The following PLEKHG4B variants were observed in gnomAD, a reference collection of about 807,000 sequenced individuals.
PLEKHG4B encodes the protein pleckstrin homology and RhoGEF domain containing G4B.
A neutral mutation model predicts 121.3 loss-of-function variants in PLEKHG4B; 111 were observed. The observed-to-expected ratio is 0.92, with a 90% confidence interval of 0.78 to 1.07. The LOEUF (loss-of-function observed/expected upper bound fraction) is 1.07. Ranked by LOEUF, PLEKHG4B falls within the 50% of genes least tolerant of loss-of-function variation. The pLI, the probability that PLEKHG4B is intolerant of heterozygous loss-of-function variation, is 0.00. For missense variants in PLEKHG4B, 1,831 were observed against 1,757.8 expected, an observed-to-expected ratio of 1.04 and a Z score of -0.74; for synonymous variants, 738 against 725.0, an observed-to-expected ratio of 1.02 and a Z score of -0.29.
intron 2 of PLEKHG4B, among the ~76,000 whole-genome samples, chr5:116,216 G>A (rs1734303243): frequency 6.6e-6 from 1 of 152,200 alleles, no homozygotes; most frequent in South Asian, 2.1e-4. Flanking sequence ...GAGAGAGATG[G>A]AGGAATGGCC....
chr5:139,664 G>A lies in PLEKHG4B; in HGVS notation c.425G>A (p.Gly142Glu). The A allele has an allele frequency of 2.5e-6, 1 of 398,896 alleles. No individual in the cohort carries two copies. Among genetic ancestry groups the A allele is most frequent in the Non-Finnish European group, 4.4e-6 (1 of 226,112 alleles). The allele number at this position is 398,896 out of a possible 1,614,324, so 24.7% of individuals were successfully genotyped here. ...GTCTTGAAATGCCTGTCCCGGCTGG[G>A]AAGAGGCACAGAGGAAGTCACCGTC... is the stretch of plus-strand genomic sequence containing the variant. ...RLVLKCLSRL[G>E]RGTEEVTVPE... is the part of the protein sequence containing the mutation. The change falls in exon 3 of 20, where the codon GGA becomes GAA. Residue 142 changes from glycine to glutamate, a missense_variant. By Grantham distance (98) the Gly-to-Glu change is moderately conservative. Coordinates refer to ENST00000637938, the MANE Select transcript of PLEKHG4B (RefSeq NM_052909.5). The surrounding 1 kb of genome is among the most constrained non-coding windows in gnomAD (Gnocchi z 5.0).
chr5:119,362 C>G (rs977688622), intron 2 of PLEKHG4B, among the ~76,000 whole-genome samples: 23 of 152,128 alleles, frequency 1.5e-4, no homozygotes, highest in African/African-American at 5.6e-4. Flanking sequence ...TTATTTATAT[C>G]CTACTGCTGA....
chr5:173,692 C>G (rs972979027), intron 17 of PLEKHG4B, among the ~76,000 whole-genome samples: 4 of 151,994 alleles, frequency 2.6e-5, no homozygotes, highest in African/African-American at 9.7e-5. Context: ...TCACGAGCAG[C>G]CTCACACACA....
rs540854148 is a variant in PLEKHG4B at position 189,513 on chromosome 5, C to T, written c.*7190C>T. 6.6e-6 allele frequency: 1 copy of T among 152,454 alleles called. No individual in the cohort carries two copies. Among genetic ancestry groups the T allele is most frequent in the African/African-American group, 2.4e-5 (1 of 41,584 alleles). 9.4% of individuals were successfully genotyped at this position (152,454 alleles called of 1,614,324 possible). A position where few individuals can be genotyped will look rare whatever the true frequency, so the allele number is the denominator to read the frequency against. On this transcript the variant is annotated 3_prime_UTR_variant, in exon 20 of 20. Coordinates refer to ENST00000637938, the MANE Select transcript of PLEKHG4B (RefSeq NM_052909.5). ...AGGTCCCATGTAGTTAGCAGGACAG[C>T]ACTTGAGTTAGGTCTGAGAAAGAAC...
chr5:164,911 C>T lies in PLEKHG4B; in HGVS notation c.3476+1363C>T, dbSNP rs370424379. Among the ~76,000 whole-genome samples, 402 of 45,960 alleles carry T rather than the reference C, an allele frequency of 8.7e-3. 11 individuals carry two copies. The highest frequency in any genetic ancestry group is 0.017 in the Middle Eastern group (1 of 60). The allele number at this position is 45,960 out of a possible 152,430, so 30.2% of individuals were successfully genotyped here. A position where few individuals can be genotyped will look rare whatever the true frequency, so the allele number is the denominator to read the frequency against. On this transcript the variant is annotated intron_variant, in intron 13 of 19. Coordinates refer to ENST00000637938, the MANE Select transcript of PLEKHG4B (RefSeq NM_052909.5). ...CGGAGCTCACACAGTAATGCTGTGA[C>T]GGGGCGGAGCTCACACTAATGCTGT...
In PLEKHG4B at chr5:139,476, G is replaced by A. The variant is rs1735083362; in HGVS notation, c.244-7G>A. The stretch of plus-strand genomic sequence containing the variant: ...CCACCACTAACCTCCCTCCTCTCTT[G>A]TCTCAGGCCAGGTACAGGGGTCTGG... On this transcript the variant is annotated splice_region_variant and splice_polypyrimidine_tract_variant and intron_variant, in intron 2 of 19. Coordinates refer to ENST00000637938, the MANE Select transcript of PLEKHG4B (RefSeq NM_052909.5). This position sits in a 1 kb window ranked among gnomAD's most constrained non-coding sequence, Gnocchi z 5.0. The A allele has an allele frequency of 5.0e-6, 2 of 398,854 alleles. No individual in the cohort carries two copies. The highest frequency in any genetic ancestry group is 4.1e-5 in the African/African-American group (2 of 48,616). 24.7% of individuals were successfully genotyped at this position (398,854 alleles called of 1,614,324 possible). A position where few individuals can be genotyped will look rare whatever the true frequency, so the allele number is the denominator to read the frequency against.
intron 6 of PLEKHG4B, among the ~76,000 whole-genome samples, chr5:147,415 T>A (rs1735454712): frequency 6.6e-6 from 1 of 151,978 alleles, no homozygotes; most frequent in Non-Finnish European, 1.5e-5. Flanking sequence ...GAAATGACAG[T>A]CAAGGAACAG....
chr5:180,284 A>G (rs1736891834), intron 18 of PLEKHG4B, among the ~76,000 whole-genome samples: 2 of 152,208 alleles, frequency 1.3e-5, no homozygotes, highest in Admixed American at 1.3e-4. Context: ...ACCTTTGGGC[A>G]GCTGATCCAG....
intron 2 of PLEKHG4B, among the ~76,000 whole-genome samples, chr5:131,717 T>C (rs1410219076): frequency 6.6e-6 from 1 of 152,228 alleles, no homozygotes; most frequent in Non-Finnish European, 1.5e-5. Flanking sequence ...TGAACTAATT[T>C]ACACTCCCAC....
chr5:100,133 G>C (rs1365413092), intron 1 of PLEKHG4B, among the ~76,000 whole-genome samples: 1 of 152,094 alleles, frequency 6.6e-6, no homozygotes, highest in African/African-American at 2.4e-5. Flanking sequence ...CTAGTGTTTT[G>C]TGGAAGATTT....
At position 144,819 on chromosome 5, in the gene PLEKHG4B, C is replaced by T; in HGVS notation, c.1812-8C>T. 6.2e-7 allele frequency: 1 copy of T among 1,609,546 alleles called. No individual in the cohort carries two copies. The highest frequency in any genetic ancestry group is 1.3e-5 in the African/African-American group (1 of 74,954). On this transcript the variant is annotated splice_polypyrimidine_tract_variant and splice_region_variant and intron_variant, in intron 5 of 19. Transcript: ENST00000637938. Reference sequence around the variant, plus strand: ...AGTGGTTAAGATGGGCTGTCTTTCCCTCCCCAGGAAAGAGGTCCGGGACCT... The same window carrying T: ...AGTGGTTAAGATGGGCTGTCTTTCCTTCCCCAGGAAAGAGGTCCGGGACCT...
chr5:120,818 A>G (rs370757456), intron 2 of PLEKHG4B, among the ~76,000 whole-genome samples: 2 of 152,266 alleles, frequency 1.3e-5, no homozygotes, highest in East Asian at 1.9e-4. Flanking sequence ...CAATAGAAAC[A>G]GACCACCCAG....
At chr5:105,005 G>A (rs1470663473) in intron 1 of PLEKHG4B, among the ~76,000 whole-genome samples, 4 of 152,140 alleles carry the variant, frequency 2.6e-5, no homozygotes, top group African/African-American at 9.7e-5. Context: ...GTGGGTGAGG[G>A]CTGTTCTGGT....
rs904908725 is a variant in PLEKHG4B at position 133,665 on chromosome 5, A to G, written c.244-5818A>G. Among the ~76,000 whole-genome samples the G allele has an allele frequency of 2.0e-5, 3 of 152,288 alleles. No individual in the cohort carries two copies. The East Asian group carries it at 5.8e-4, about 29-fold the overall frequency. Reference sequence around the variant, plus strand: ...GGCATGGATGTGGTAAAGAGGGAACACTTTTACAGTTGGTGGGAATGTAAA... The same window carrying G: ...GGCATGGATGTGGTAAAGAGGGAACGCTTTTACAGTTGGTGGGAATGTAAA... On this transcript the variant is annotated intron_variant, in intron 2 of 19. Coordinates refer to ENST00000637938, the MANE Select transcript of PLEKHG4B (RefSeq NM_052909.5).
chr5:167,961 C>T (rs1736407165), intron 13 of PLEKHG4B, among the ~76,000 whole-genome samples: 1 of 152,238 alleles, frequency 6.6e-6, no homozygotes, highest in Non-Finnish European at 1.5e-5. Context: ...TCTATGATCA[C>T]AGCACTGCAG....
At chr5:122,519 A>G (rs1045787388) in intron 2 of PLEKHG4B, among the ~76,000 whole-genome samples, 2 of 152,042 alleles carry the variant, frequency 1.3e-5, no homozygotes, top group East Asian at 3.9e-4. Context: ...TCCCAGGTTC[A>G]AGCAGTTCTC....
Position 156,958 on chromosome 5 carries a change from C to T in PLEKHG4B, c.2487+47C>T. 3.6e-5 allele frequency: 58 copies of T among 1,599,604 alleles called. No homozygotes were observed. Among genetic ancestry groups the T allele is most frequent in the Non-Finnish European group, 4.9e-5 (57 of 1,173,668 alleles). On this transcript the variant is annotated intron_variant, in intron 11 of 19. Transcript: ENST00000637938. The surrounding 1 kb of genome is among the most constrained non-coding windows in gnomAD (Gnocchi z 4.4). ...CGGCCCGGTCAGCATCCCCTCCAGG[C>T]CAGGCTGGCCAAGGCAACCCTCTCA...
At chr5:164,573 GA>G (rs1455304743) in intron 13 of PLEKHG4B, among the ~76,000 whole-genome samples, 1 of 112,418 alleles carries the variant, frequency 8.9e-6, no homozygotes, top group African/African-American at 4.5e-5. Flanking sequence ...ACAGGGGGCG[GA>G]GCTCACACAG....
At chr5:145,226 G>A (rs563409789) in intron 6 of PLEKHG4B, among the ~76,000 whole-genome samples, 1 of 152,358 alleles carries the variant, frequency 6.6e-6, no homozygotes, top group African/African-American at 2.4e-5. Flanking sequence ...CCCGGGTGGT[G>A]GGCACCTGTC....
Sources: gnomAD v4.1 joint callset for allele counts (sites outside exome capture counted in the v4.1 genomes callset) on GRCh38, gnomAD v4.1.1 for gene constraint, Gnocchi (gnomAD v3.1) non-coding constraint, MANE v1.5 for transcripts, NCBI Gene and HGNC (gene_info 2026-07-23, HGNC 2026-07-21) for gene names.